CERS4: variants seen among roughly 807,000 people sequenced by gnomAD.
CERS4 encodes the protein LAG1 homolog, ceramide synthase 4.
In CERS4, 65 loss-of-function variants were observed where a neutral mutation model predicts 51.8. The observed-to-expected ratio is 1.26, with a 90% CI of 1.03 to 1.54. CERS4 has a LOEUF of 1.54. CERS4 is among the 40% of genes most tolerant of loss of function. CERS4 has a pLI of 0.00. For synonymous variants in CERS4, 228 were observed against 208.4 expected (o/e 1.09, Z -0.81); for missense variants, 563 against 500.4 (o/e 1.13, Z -1.19).
chr19:8,254,995 TC>T (rs1969302590), intron 4 of CERS4, among the ~76,000 whole-genome samples: 1 of 152,118 alleles, frequency 6.6e-6, no homozygotes, highest in South Asian at 2.1e-4. Context: ...TTGCTTGCTC[TC>T]CTATCCTGGG....
At chr19:8,215,495 AAAAC>A (rs954279417) in intron 2 of CERS4, among the ~76,000 whole-genome samples, 1 of 151,634 alleles carries the variant, frequency 6.6e-6, no homozygotes, top group Admixed American at 6.6e-5. Context: ...AAAAAAACAA[AAAAC>A]AAGCAGCGGG....
intron 4 of CERS4, among the ~76,000 whole-genome samples, chr19:8,255,214 CCTTTA>C (rs1166562434): frequency 2.6e-5 from 4 of 152,120 alleles, no homozygotes; most frequent in Non-Finnish European, 4.4e-5. Context: ...CGTGACTCCC[CCTTTA>C]CTTGTCAATT....
intron 2 of CERS4, among the ~76,000 whole-genome samples, chr19:8,246,223 C>G (rs1048781510): frequency 2.6e-5 from 4 of 152,036 alleles, no homozygotes; most frequent in Admixed American, 2.0e-4. Flanking sequence ...CTGGATTAGT[C>G]AGGTACATAG....
At chr19:8,229,405 TTCTTTCTTCTTTTTTCTTC>T (rs1348565055) in intron 2 of CERS4, among the ~76,000 whole-genome samples, 19 of 116,922 alleles carry the variant, frequency 1.6e-4, no homozygotes, top group Non-Finnish European at 2.6e-4. Flanking sequence ...TTTCTTCTTC[TTCTTTCTTCTTTTTTCTTC>T]TTCTTCTTCT....
chr19:8,221,884 T>TTTTTTTTTTTTTTTTTTTTG (rs1967570588), intron 2 of CERS4, among the ~76,000 whole-genome samples: 1 of 96,790 alleles, frequency 1.0e-5, no homozygotes. Context: ...TTTTTTTTTT[T>TTTTTTTTTTTTTTTTTTTTG]TTTTTTTTTT....
chr19:8,234,872 C>T (rs1324149090), intron 2 of CERS4, among the ~76,000 whole-genome samples: 1 of 151,784 alleles, frequency 6.6e-6, no homozygotes, highest in East Asian at 1.9e-4. Flanking sequence ...CTTTCTGTCA[C>T]TATGAATGGG....
Position 8,258,498 on chromosome 19 carries a change from C to T in CERS4, c.848+513C>T, listed in dbSNP as rs1969514793. ...CTGAGGCGGGCGGGTCACTTGAGGT[C>T]AGGAGTTCCAGACCAGCCTGGCCAA... On this transcript the variant is annotated intron_variant, in intron 10 of 11. Transcript: ENST00000251363. 1.3e-5 allele frequency among the ~76,000 whole-genome samples: 2 copies of T among 152,020 alleles called. 1 individual carries two copies. Among genetic ancestry groups the T allele is most frequent in the South Asian group, 4.1e-4 (2 of 4,828 alleles).
chr19:8,257,186 C>A, intron 9 of CERS4, 109 bp downstream of exon 9: 1 of 1,131,620 alleles, frequency 8.8e-7, no homozygotes, highest in Non-Finnish European at 1.3e-6. Context: ...TGGAGCCCCA[C>A]CCCTCCTGTC....
intron 2 of CERS4, among the ~76,000 whole-genome samples, chr19:8,217,214 T>C (rs776893591): frequency 6.6e-6 from 1 of 151,346 alleles, no homozygotes; most frequent in African/African-American, 2.4e-5. Context: ...TGAGTGGGAG[T>C]GAGTGATGGG....
At chr19:8,261,358 G>T in intron 10 of CERS4, 1 of 306,660 alleles carries the variant, frequency 3.3e-6, no homozygotes, top group South Asian at 5.0e-5. Flanking sequence ...GCCTGCTGAT[G>T]AAGGGGAGGT....
At position 8,209,460 on chromosome 19, in the gene CERS4, C is replaced by G. The variant is rs1056908991; in HGVS notation, c.-193C>G. On this transcript the variant is annotated 5_prime_UTR_variant, in exon 1 of 12. Coordinates refer to ENST00000251363, the MANE Select transcript of CERS4 (RefSeq NM_024552.3). ...GGCGCGCCGTCCCCAGCCCCGCCGCCGGCCCTCGGTGCGCCCGGCCGCCTG... is the reference window on the plus strand; with the variant it reads ...GGCGCGCCGTCCCCAGCCCCGCCGCGGGCCCTCGGTGCGCCCGGCCGCCTG... The G allele has an allele frequency of 2.6e-5, 4 of 151,510 alleles. No individual in the cohort carries two copies. Among genetic ancestry groups the G allele is most frequent in the African/African-American group, 9.7e-5 (4 of 41,348 alleles). The allele number at this position is 151,510 out of a possible 1,614,324, so 9.4% of individuals were successfully genotyped here. A position where few individuals can be genotyped will look rare whatever the true frequency, so the allele number is the denominator to read the frequency against.
In CERS4 at chr19:8,217,755, T is replaced by C. The variant is rs184532234; in HGVS notation, c.-2+6893T>C. ...GGTTTCACCCTGTTAGCCAGGATGG[T>C]CTCGATCTCCTGACCTCGTGATCCG... On this transcript the variant is annotated intron_variant, in intron 2 of 11. Coordinates refer to ENST00000251363, the MANE Select transcript of CERS4 (RefSeq NM_024552.3). Among the ~76,000 whole-genome samples, 63 of 152,232 alleles carry C rather than the reference T, an allele frequency of 4.1e-4. 1 individual carries two copies. The East Asian group carries it at 0.011, about 27-fold the overall frequency.
At chr19:8,238,858 G>T (rs1968388873) in intron 2 of CERS4, among the ~76,000 whole-genome samples, 2 of 152,078 alleles carry the variant, frequency 1.3e-5, no homozygotes, top group South Asian at 4.1e-4. Flanking sequence ...TAGCACTTTG[G>T]GAAGCCATAG....
At chr19:8,249,229 G>A (rs908708353) in intron 2 of CERS4, among the ~76,000 whole-genome samples, 12 of 151,640 alleles carry the variant, frequency 7.9e-5, no homozygotes, top group African/African-American at 2.9e-4. Context: ...TGATGGGTGG[G>A]TGGACAGATG....
At chr19:8,244,961 G>A (rs1357088924) in intron 2 of CERS4, among the ~76,000 whole-genome samples, 3 of 151,948 alleles carry the variant, frequency 2.0e-5, no homozygotes, top group Middle Eastern at 3.4e-3. Context: ...TGGCTAACAT[G>A]GTGAAACCCT....
At chr19:8,222,186 AT>A (rs1010978121) in intron 2 of CERS4, 5 of 136,668 alleles carry the variant, frequency 3.7e-5, no homozygotes, top group Non-Finnish European at 6.4e-5. Context: ...GGCCCTATTT[AT>A]TTTTTTTTGA....
intron 9 of CERS4, 115 bp downstream of exon 9, chr19:8,257,192 C>T: frequency 9.0e-7 from 1 of 1,108,498 alleles, no homozygotes; most frequent in Non-Finnish European, 1.3e-6. Context: ...CCCACCCCTC[C>T]TGTCTTTCTC....
chr19:8,213,191 G>T (rs576270490), intron 2 of CERS4, among the ~76,000 whole-genome samples: 8 of 151,700 alleles, frequency 5.3e-5, no homozygotes, highest in Admixed American at 1.3e-4. Flanking sequence ...GCTAATTTTT[G>T]CATTTTTTTG....
intron 10 of CERS4, among the ~76,000 whole-genome samples, chr19:8,260,452 C>T (rs1380784370): frequency 5.4e-5 from 8 of 149,530 alleles, no homozygotes; most frequent in Non-Finnish European, 7.4e-5. Context: ...GTGATCCACC[C>T]GCCTCCACCT....
Sources: gnomAD v4.1 joint callset for allele counts (sites outside exome capture counted in the v4.1 genomes callset) on GRCh38, gnomAD v4.1.1 for gene constraint, MANE v1.5 for transcripts, NCBI Gene and HGNC (gene_info 2026-07-23, HGNC 2026-07-21) for gene names.